Variants in NTN1 observed in about 807,000 individuals in gnomAD.
The protein encoded by NTN1 is netrin-1.
NTN1 carries 11 observed loss-of-function variants against 54.2 expected under a neutral mutation model. The ratio of observed to expected loss-of-function variants is 0.20; its 90% CI spans 0.13 to 0.34. NTN1 has a LOEUF of 0.34. NTN1 is among the 10% of genes least tolerant of loss of function. NTN1 has a pLI of 1.00. For synonymous variants in NTN1, 371 were observed against 382.0 expected (o/e 0.97, Z 0.33); for missense variants, 740 against 893.1 (o/e 0.83, Z 2.18).
At chr17:9,094,181 C>A (rs1017619850) in intron 2 of NTN1, among the ~76,000 whole-genome samples, 2 of 152,164 alleles carry the variant, frequency 1.3e-5, no homozygotes, top group Non-Finnish European at 2.9e-5. Context: ...TTACTGATAT[C>A]TTGACTCTCT....
chr17:9,196,715 AGT>A, intron 5 of NTN1, among the ~76,000 whole-genome samples: 1 of 152,276 alleles, frequency 6.6e-6, no homozygotes, highest in East Asian at 1.9e-4. Context: ...CCTAGAGAAG[AGT>A]GTGACAAGTG....
the NTN1 span, among the ~76,000 whole-genome samples, chr17:9,010,907 A>G: frequency 6.6e-6 from 1 of 152,094 alleles, no homozygotes; most frequent in Middle Eastern, 3.2e-3. Flanking sequence ...GTAATGTGTA[A>G]TGAGATAATT....
chr17:9,238,198 C>T (rs563071419), intron 6 of NTN1, among the ~76,000 whole-genome samples: 1 of 152,210 alleles, frequency 6.6e-6, no homozygotes, highest in South Asian at 2.1e-4. Flanking sequence ...GTTCCATTGT[C>T]TGGAGTGGTA....
chr17:9,179,743 GCT>G (rs1038346233), intron 3 of NTN1, 62 bp from the exon 4 acceptor site: 1 of 1,562,956 alleles, frequency 6.4e-7, no homozygotes, highest in Non-Finnish European at 8.7e-7. Context: ...GGTAGGGAAG[GCT>G]CTGCGGGGAT....
intron 2 of NTN1, among the ~76,000 whole-genome samples, chr17:9,142,308 GA>G (rs369780835): frequency 0.053 from 7,960 of 149,146 alleles, 282 homozygotes; most frequent in Middle Eastern, 0.092. Flanking sequence ...AAAAAAAAAA[GA>G]AAAAAACCAA....
chr17:9,171,595 C>T (rs1056955833), intron 3 of NTN1: 6 of 152,302 alleles, frequency 3.9e-5, no homozygotes, highest in African/African-American at 1.4e-4. Context: ...ACTGGGCAAG[C>T]TGCGCTACAA....
At chr17:9,137,494 T>A (rs1472115352) in intron 2 of NTN1, among the ~76,000 whole-genome samples, 1 of 152,190 alleles carries the variant, frequency 6.6e-6, no homozygotes, top group African/African-American at 2.4e-5. Flanking sequence ...TGTCTCTACC[T>A]GTAAGAGTTG....
chr17:9,238,868 T>C lies in NTN1; in HGVS notation c.1487-772T>C, dbSNP rs531388565. ...TATTCTAGGGCCTCACCCAGATCTG[T>C]TCAATCTGAAGCTCTGGGGCGGGGC... On this transcript the variant is annotated intron_variant, in intron 6 of 6. Coordinates refer to ENST00000173229, the MANE Select transcript of NTN1 (RefSeq NM_004822.3). Among the ~76,000 whole-genome samples the C allele has an allele frequency of 2.4e-3, 371 of 152,318 alleles. 2 individuals carry two copies. The highest frequency in any genetic ancestry group is 3.0e-3 in the Non-Finnish European group (204 of 68,034).
intron 5 of NTN1, among the ~76,000 whole-genome samples, chr17:9,195,385 C>T (rs1240805031): frequency 6.6e-6 from 1 of 152,186 alleles, no homozygotes; most frequent in Admixed American, 6.5e-5. Context: ...GAATATTTAG[C>T]CCTTCTTGGG....
At chr17:9,044,174 G>C (rs1459181793) in intron 2 of NTN1, among the ~76,000 whole-genome samples, 1 of 151,860 alleles carries the variant, frequency 6.6e-6, no homozygotes, top group Non-Finnish European at 1.5e-5. Context: ...TTCATCTCCA[G>C]GAGGTTATAT....
At chr17:9,166,533 G>A (rs775565770) in intron 3 of NTN1, among the ~76,000 whole-genome samples, 6 of 151,990 alleles carry the variant, frequency 3.9e-5, no homozygotes, top group Non-Finnish European at 8.8e-5. Context: ...GTAGATATGG[G>A]GTTTCATCAT....
intron 2 of NTN1, among the ~76,000 whole-genome samples, chr17:9,114,668 C>T (rs145038446): frequency 1.9e-4 from 29 of 152,114 alleles, no homozygotes; most frequent in African/African-American, 5.5e-4. Flanking sequence ...CACGGAGAAT[C>T]GCTTGAACCC....
intron 5 of NTN1, among the ~76,000 whole-genome samples, chr17:9,210,641 TC>T (rs1262915405): frequency 1.3e-5 from 2 of 152,074 alleles, no homozygotes; most frequent in Non-Finnish European, 2.9e-5. Context: ...GGCCGGTCGC[TC>T]ACATCTGTAA....
intron 2 of NTN1, among the ~76,000 whole-genome samples, chr17:9,043,154 AT>A (rs1253150929): frequency 2.0e-5 from 3 of 152,118 alleles, no homozygotes; most frequent in Non-Finnish European, 2.9e-5. Flanking sequence ...TCACTAAAAT[AT>A]TTTTTAATGT....
chr17:9,162,672 G>A (rs2092360662), intron 2 of NTN1, 141 bp from the exon 3 acceptor site: 1 of 761,076 alleles, frequency 1.3e-6, no homozygotes, highest in Non-Finnish European at 2.2e-6. Flanking sequence ...CCGAGGAGGA[G>A]CTCCTGGAGC....
At chr17:9,192,418 G>A (rs779819707) in intron 5 of NTN1, among the ~76,000 whole-genome samples, 11 of 152,168 alleles carry the variant, frequency 7.2e-5, no homozygotes, top group Non-Finnish European at 1.5e-4. Context: ...TAGCCATATC[G>A]GTGGAAAGAC....
chr17:9,222,024 C>T (rs554708616), intron 6 of NTN1, among the ~76,000 whole-genome samples: 1 of 152,328 alleles, frequency 6.6e-6, no homozygotes, highest in Admixed American at 6.5e-5. Context: ...TGACCACTGG[C>T]AAGGCCCCCG....
intron 2 of NTN1, among the ~76,000 whole-genome samples, chr17:9,041,515 C>T (rs1192808519): frequency 6.6e-6 from 1 of 152,126 alleles, no homozygotes; most frequent in South Asian, 2.1e-4. Flanking sequence ...TATAGCAGTA[C>T]TTCATTTCCT....
At chr17:9,033,931 A>AAG (rs1555562795) in intron 2 of NTN1, among the ~76,000 whole-genome samples, 1 of 150,994 alleles carries the variant, frequency 6.6e-6, no homozygotes, top group Non-Finnish European at 1.5e-5. Context: ...AAAAAAAAAA[A>AAG]AAAGAAAAAG....
Sources: gnomAD v4.1 joint callset for allele counts (sites outside exome capture counted in the v4.1 genomes callset) on GRCh38, gnomAD v4.1.1 for gene constraint, MANE v1.5 for transcripts, NCBI Gene and HGNC (gene_info 2026-07-23, HGNC 2026-07-21) for gene names.